The following DDX10 variants were observed in gnomAD, a reference collection of about 807,000 sequenced individuals.
DDX10 encodes the protein DEAD-box helicase 10.
Under a neutral mutation model 104.3 loss-of-function variants are expected in DDX10, and 74 were observed. That is an observed-to-expected ratio of 0.71 (90% CI 0.59 to 0.86). The LOEUF is 0.86. DDX10 is among the 40% of genes least tolerant of loss of function. DDX10 has a pLI of 0.00. For missense variants in DDX10, 952 were observed against 1,040.0 expected (o/e 0.92, Z 1.16); for synonymous variants, 351 against 353.4 (o/e 0.99, Z 0.08).
rs780526276 is a variant in DDX10, at chr11:108,692,061, A to C, written c.1138+23A>C. On this transcript the variant is annotated intron_variant, in intron 8 of 17. Transcript: ENST00000322536. Reference sequence around the variant, plus strand: ...TGGGTAAGAAAACTTCCTATCATGAAATTTCTGTGATTGTGTGAAATGTAA... The same window carrying C: ...TGGGTAAGAAAACTTCCTATCATGACATTTCTGTGATTGTGTGAAATGTAA... 6 of 1,572,250 alleles carry C rather than the reference A, an allele frequency of 3.8e-6. No individual in the cohort carries two copies. In the East Asian group the frequency reaches 1.2e-4, roughly 30 times the overall value.
At chr11:108,750,868 CCACTT>C (rs57989819) in intron 13 of DDX10, among the ~76,000 whole-genome samples, 75,786 of 145,444 alleles carry the variant, frequency 0.52, 20,711 homozygotes, top group Non-Finnish European at 0.61. Context: ...AGTGGTCCTT[CCACTT>C]CAGCCTCCTG....
chr11:108,879,652 C>G (rs1863200810), intron 16 of DDX10, among the ~76,000 whole-genome samples: 1 of 152,176 alleles, frequency 6.6e-6, no homozygotes, highest in African/African-American at 2.4e-5. Flanking sequence ...TTCTTATTAT[C>G]AAGTTACTTC....
intron 16 of DDX10, among the ~76,000 whole-genome samples, chr11:108,866,315 A>G (rs1863007613): frequency 6.6e-6 from 1 of 152,300 alleles, no homozygotes; most frequent in South Asian, 2.1e-4. Flanking sequence ...GCCAAATGCC[A>G]CAAGGAGATG....
rs1230034510 is a variant in DDX10, at chr11:108,718,246, A to ATCTATC, written c.1411-1547_1411-1546insTCTCTA. On this transcript the variant is annotated intron_variant, in intron 11 of 17. Transcript: ENST00000322536. Reference sequence around the variant, plus strand: ...GAACTCCAGGTCTAGCTTTCTTGAGATCTACTGTGTTATATCAGGAGAAAT... The same window carrying ATCTATC: ...GAACTCCAGGTCTAGCTTTCTTGAGATCTATCTCTACTGTGTTATATCAGGAGAAAT... 4.6e-5 allele frequency among the ~76,000 whole-genome samples: 7 copies of ATCTATC among 152,276 alleles called. No individual in the cohort carries two copies. In the East Asian group the frequency reaches 1.2e-3, roughly 25 times the overall value.
rs559257962 is a variant in DDX10 at position 108,815,182 on chromosome 11, G to A, written c.1966-23264G>A. On this transcript the variant is annotated intron_variant, in intron 13 of 17. Transcript: ENST00000322536. Reference sequence around the variant, plus strand: ...ATACTTTGATGTAACATTACCTTTTGGTTTATATACTCCTGGGTCTTTTTT... The same window carrying A: ...ATACTTTGATGTAACATTACCTTTTAGTTTATATACTCCTGGGTCTTTTTT... Among the ~76,000 whole-genome samples, 4 of 151,942 alleles carry A rather than the reference G, an allele frequency of 2.6e-5. No individual in the cohort carries two copies. In the South Asian group the frequency reaches 8.3e-4, roughly 32 times the overall value.
Position 108,815,606 on chromosome 11 carries a change from CAT to C in DDX10, c.1966-22839_1966-22838del, listed in dbSNP as rs532902473. ...ATTAAGAGCTTAAATTTAATGCTAT[CAT>C]GTGTCCCATTTGTATAAATGGATAT... On this transcript the variant is annotated intron_variant, in intron 13 of 17. Transcript: ENST00000322536. Among the ~76,000 whole-genome samples, 12 of 152,268 alleles carry C rather than the reference CAT, an allele frequency of 7.9e-5. No individual in the cohort carries two copies. The South Asian group carries it at 2.3e-3, about 29-fold the overall frequency.
intron 10 of DDX10, among the ~76,000 whole-genome samples, chr11:108,709,320 G>A (rs1284789253): frequency 1.3e-5 from 2 of 152,248 alleles, no homozygotes; most frequent in East Asian, 1.9e-4. Flanking sequence ...GAGTTAGGAA[G>A]TATTCCCTCT....
intron 13 of DDX10, among the ~76,000 whole-genome samples, chr11:108,744,240 G>A (rs2094328719): frequency 6.6e-6 from 1 of 152,078 alleles, no homozygotes; most frequent in African/African-American, 2.4e-5. Flanking sequence ...TTTCTTTGAT[G>A]GTATCCATAT....
intron 1 of DDX10, 42 bp from the exon 2 acceptor site, chr11:108,673,425 G>T: frequency 7.2e-7 from 1 of 1,380,818 alleles, no homozygotes; most frequent in Non-Finnish European, 1.0e-6. Context: ...GCTGTGTCGT[G>T]AAACAAATGA....
intron 13 of DDX10, among the ~76,000 whole-genome samples, chr11:108,771,114 A>G (rs2094362592): frequency 6.6e-6 from 1 of 152,066 alleles, no homozygotes; most frequent in Non-Finnish European, 1.5e-5. Context: ...GATGTTGAGC[A>G]CCTTTTCATA....
chr11:108,905,008 A>G (rs908684441), intron 16 of DDX10, among the ~76,000 whole-genome samples: 16 of 152,290 alleles, frequency 1.1e-4, no homozygotes, highest in African/African-American at 2.6e-4. Context: ...TTTGAGACCT[A>G]TGTTCTTATT....
rs534512317 is a variant in DDX10 at position 108,843,216 on chromosome 11, A to C, written c.2247+1740A>C. On this transcript the variant is annotated intron_variant, in intron 15 of 17. Transcript: ENST00000322536. ...TGAGGCAGTAGTGTGCTATAACTGCACCTGTGAATAGCCACTCATTAATAA... is the reference window on the plus strand; with the variant it reads ...TGAGGCAGTAGTGTGCTATAACTGCCCCTGTGAATAGCCACTCATTAATAA... Among the ~76,000 whole-genome samples, 3 of 152,112 alleles carry C rather than the reference A, an allele frequency of 2.0e-5. No individual in the cohort carries two copies. In the East Asian group the frequency reaches 5.8e-4, roughly 30 times the overall value.
At chr11:108,915,734 A>G (rs895360351) in intron 16 of DDX10, among the ~76,000 whole-genome samples, 2 of 152,172 alleles carry the variant, frequency 1.3e-5, no homozygotes, top group East Asian at 3.9e-4. Flanking sequence ...AGAAGCTATT[A>G]CACATCAACG....
Position 108,913,711 on chromosome 11 carries a change from A to G in DDX10, c.2305-4162A>G, listed in dbSNP as rs545987451. On this transcript the variant is annotated intron_variant, in intron 16 of 17. Coordinates refer to ENST00000322536, the MANE Select transcript of DDX10 (RefSeq NM_004398.4). ...AATTATCTCTTAAATCATTCATGAA[A>G]TCAAAGATAGAGACAGAGCAGCTAA... 4.6e-5 allele frequency among the ~76,000 whole-genome samples: 7 copies of G among 152,270 alleles called. No individual in the cohort carries two copies. The East Asian group carries it at 1.2e-3, about 25-fold the overall frequency.
intron 16 of DDX10, among the ~76,000 whole-genome samples, chr11:108,905,471 A>G (rs1445862056): frequency 1.3e-5 from 2 of 152,068 alleles, no homozygotes; most frequent in African/African-American, 4.8e-5. Context: ...TTCAATTTAC[A>G]TACAGTACAA....
At chr11:108,826,856 A>C (rs561247935) in intron 13 of DDX10, among the ~76,000 whole-genome samples, 11 of 152,082 alleles carry the variant, frequency 7.2e-5, no homozygotes, top group Non-Finnish European at 1.3e-4. Flanking sequence ...ATCTTTCTTA[A>C]TGGGTCATGG....
intron 13 of DDX10, among the ~76,000 whole-genome samples, chr11:108,796,018 T>C (rs1453881089): frequency 6.6e-6 from 1 of 152,226 alleles, no homozygotes; most frequent in Non-Finnish European, 1.5e-5. Context: ...TTCAGTTTCT[T>C]TTTAAACAAC....
chr11:108,668,776 C>G (rs972510078), intron 1 of DDX10, among the ~76,000 whole-genome samples: 12 of 152,110 alleles, frequency 7.9e-5, no homozygotes, highest in African/African-American at 2.7e-4. Context: ...GGGGTTGATA[C>G]AGTTTGACAC....
intron 7 of DDX10, among the ~76,000 whole-genome samples, chr11:108,689,564 C>T (rs531205947): frequency 1.3e-4 from 20 of 152,272 alleles, no homozygotes; most frequent in African/African-American, 4.3e-4. Flanking sequence ...TCAGTTGTTC[C>T]CTCCCCTAAC....
Sources: gnomAD v4.1 joint callset for allele counts (sites outside exome capture counted in the v4.1 genomes callset) on GRCh38, gnomAD v4.1.1 for gene constraint, MANE v1.5 for transcripts, NCBI Gene and HGNC (gene_info 2026-07-23, HGNC 2026-07-21) for gene names.